Variants in WWOX observed in about 807,000 individuals in gnomAD.
WWOX encodes the protein WW domain containing oxidoreductase, also known as WW domain-containing oxidoreductase.
A neutral mutation model predicts 46.2 loss-of-function variants in WWOX; 69 were observed. The observed-to-expected ratio is 1.49, with a 90% CI of 1.23 to 1.82. The LOEUF (loss-of-function observed/expected upper bound fraction) is 1.82. Among genes scored for constraint, WWOX ranks in the 40% most tolerant of loss-of-function variants. WWOX has a pLI of 0.00. For synonymous variants in WWOX, 359 were observed against 202.6 expected (o/e 1.77, Z -6.56); for missense variants, 919 against 542.6 (o/e 1.69, Z -6.89).
intron 5 of WWOX, among the ~76,000 whole-genome samples, chr16:78,272,283 G>A (rs944085750): frequency 5.3e-5 from 8 of 152,066 alleles, no homozygotes; most frequent in Non-Finnish European, 8.8e-5. Flanking sequence ...GCACTTTCAC[G>A]AGGATGACTG....
At chr16:78,917,859 T>TATCACTAGATCA (rs2151265165) in intron 8 of WWOX, among the ~76,000 whole-genome samples, 1 of 152,288 alleles carries the variant, frequency 6.6e-6, no homozygotes, top group South Asian at 2.1e-4. Flanking sequence ...TCAGAAATAC[T>TATCACTAGATCA]GATATCCTAA....
intron 8 of WWOX, among the ~76,000 whole-genome samples, chr16:79,172,876 C>A (rs1248897505): frequency 6.6e-6 from 1 of 151,472 alleles, no homozygotes; most frequent in Non-Finnish European, 1.5e-5. Context: ...AAAAAAAATG[C>A]CAGGTGTAGT....
chr16:78,318,979 A>G (rs984701146), intron 5 of WWOX, among the ~76,000 whole-genome samples: 1 of 152,222 alleles, frequency 6.6e-6, no homozygotes, highest in African/African-American at 2.4e-5. Context: ...GAAGAGGAAA[A>G]TTAAGATTGC....
intron 8 of WWOX, among the ~76,000 whole-genome samples, chr16:78,481,758 T>TGTGC (rs1373032756): frequency 2.7e-5 from 4 of 148,550 alleles, no homozygotes; most frequent in Non-Finnish European, 5.9e-5. Context: ...TGTGTGTGTG[T>TGTGC]GTGTGTGCGC....
rs74774919 is a variant in WWOX, at chr16:78,119,314, A to G, written c.409+4160A>G. Reference sequence around the variant, plus strand: ...AAAGGGAATTTTTTTAGGCGAGGGAATTTCGCATTGAGGAAGGTCCCTGCT... The same window carrying G: ...AAAGGGAATTTTTTTAGGCGAGGGAGTTTCGCATTGAGGAAGGTCCCTGCT... On this transcript the variant is annotated intron_variant, in intron 4 of 8. Transcript: ENST00000566780. Among the ~76,000 whole-genome samples the G allele has an allele frequency of 3.0e-3, 464 of 152,278 alleles. 4 individuals are homozygous for G. Among genetic ancestry groups the G allele is most frequent in the African/African-American group, 0.011 (441 of 41,546 alleles).
chr16:78,778,424 G>A (rs762601583), intron 8 of WWOX, among the ~76,000 whole-genome samples: 2 of 152,166 alleles, frequency 1.3e-5, no homozygotes, highest in African/African-American at 4.8e-5. Context: ...ACATAATGTC[G>A]GACCTCAGTA....
intron 8 of WWOX, among the ~76,000 whole-genome samples, chr16:78,867,978 A>C (rs1331282865): frequency 6.6e-6 from 1 of 152,238 alleles, no homozygotes; most frequent in African/African-American, 2.4e-5. Context: ...ACAGTTGTCC[A>C]GTGCCTTAAA....
At chr16:78,638,661 C>A (rs767593302) in intron 8 of WWOX, among the ~76,000 whole-genome samples, 2 of 152,116 alleles carry the variant, frequency 1.3e-5, no homozygotes, top group African/African-American at 4.8e-5. Context: ...GAGGGAAGGG[C>A]GGGGGCGGTC....
intron 8 of WWOX, among the ~76,000 whole-genome samples, chr16:78,557,169 C>T (rs1295638530): frequency 1.3e-5 from 2 of 152,130 alleles, no homozygotes; most frequent in Non-Finnish European, 2.9e-5. Flanking sequence ...TTAGATTTTG[C>T]CTCTGCTTGT....
intron 8 of WWOX, among the ~76,000 whole-genome samples, chr16:78,499,889 TATAA>T (rs2085018289): frequency 6.6e-6 from 1 of 152,206 alleles, no homozygotes; most frequent in Non-Finnish European, 1.5e-5. Flanking sequence ...TTTAATGTGC[TATAA>T]ATAGACATTC....
chr16:78,547,544 G>T (rs1398190544), intron 8 of WWOX, among the ~76,000 whole-genome samples: 1 of 152,148 alleles, frequency 6.6e-6, no homozygotes, highest in Non-Finnish European at 1.5e-5. Context: ...AAAGCCTTGT[G>T]CTTTAGTCTG....
At chr16:78,250,764 C>G (rs1050354653) in intron 5 of WWOX, among the ~76,000 whole-genome samples, 2 of 152,076 alleles carry the variant, frequency 1.3e-5, no homozygotes, top group African/African-American at 4.8e-5. Context: ...ATCCACCTCC[C>G]TACAGTCCAG....
At chr16:79,163,436 G>C (rs559288768) in intron 8 of WWOX, among the ~76,000 whole-genome samples, 2 of 152,272 alleles carry the variant, frequency 1.3e-5, no homozygotes, top group South Asian at 4.1e-4. Context: ...AGCTCTATAA[G>C]AGATAAGCAT....
At chr16:78,922,533 A>C (rs571244973) in intron 8 of WWOX, among the ~76,000 whole-genome samples, 13 of 151,892 alleles carry the variant, frequency 8.6e-5, no homozygotes, top group Middle Eastern at 6.8e-3. Flanking sequence ...CATGCACAAC[A>C]ACACCCAGCT....
chr16:78,458,401 T>C (rs1490442960), intron 8 of WWOX, among the ~76,000 whole-genome samples: 1 of 151,428 alleles, frequency 6.6e-6, no homozygotes, highest in East Asian at 1.9e-4. Flanking sequence ...GCTGGGACTA[T>C]TGGCAATGCC....
chr16:79,205,455 T>C (rs1346970676), intron 8 of WWOX: 1 of 152,196 alleles, frequency 6.6e-6, no homozygotes, highest in African/African-American at 2.4e-5. Context: ...ATTGTCCACG[T>C]CTAATTTGTT....
At chr16:78,310,350 A>G (rs1289384912) in intron 5 of WWOX, among the ~76,000 whole-genome samples, 2 of 152,210 alleles carry the variant, frequency 1.3e-5, no homozygotes, top group Non-Finnish European at 1.5e-5. Flanking sequence ...ACATGCACGC[A>G]CACACAGCCT....
intron 8 of WWOX, among the ~76,000 whole-genome samples, chr16:78,834,095 C>T (rs537395838): frequency 5.9e-5 from 9 of 152,318 alleles, no homozygotes; most frequent in South Asian, 4.1e-4. Context: ...AGCTGTCGAA[C>T]GTCTGGAACT....
intron 8 of WWOX, among the ~76,000 whole-genome samples, chr16:79,089,275 G>A (rs1191994449): frequency 1.3e-5 from 2 of 151,330 alleles, no homozygotes; most frequent in Non-Finnish European, 2.9e-5. Flanking sequence ...TATTTGTAAA[G>A]TTCCTGGCAA....
Sources: allele counts gnomAD v4.1 joint callset (sites outside exome capture counted in the v4.1 genomes callset), GRCh38; gene constraint gnomAD v4.1.1; transcripts MANE v1.5; gene names NCBI Gene and HGNC (gene_info 2026-07-23, HGNC 2026-07-21).